Variants in DLG2 observed in about 807,000 individuals in gnomAD.
DLG2 encodes the protein disks large homolog 2.
In DLG2, 45 loss-of-function variants were observed where a neutral mutation model predicts 132.5. That is an observed-to-expected ratio of 0.34 (90% CI 0.27 to 0.44). The LOEUF (loss-of-function observed/expected upper bound fraction) is 0.44. Among genes scored for constraint, DLG2 ranks in the 20% least tolerant of loss-of-function variants. The probability of loss-of-function intolerance (pLI) is 1.00; values close to 1 mark genes in which losing one functional copy is unlikely to be tolerated. For missense variants in DLG2, 1,045 were observed against 1,196.9 expected (o/e 0.87, Z 1.87); for synonymous variants, 424 against 419.6 (o/e 1.01, Z -0.13).
At chr11:84,443,126 C>A (rs1405739665) in intron 7 of DLG2, among the ~76,000 whole-genome samples, 1 of 152,132 alleles carries the variant, frequency 6.6e-6, no homozygotes, top group Admixed American at 6.5e-5. Flanking sequence ...CTCTTAAAAT[C>A]ATCAAAACTC....
intron 6 of DLG2, among the ~76,000 whole-genome samples, chr11:84,924,638 A>G (rs1210711158): frequency 1.3e-5 from 2 of 152,156 alleles, no homozygotes; most frequent in African/African-American, 4.8e-5. Flanking sequence ...AGCATTCAGA[A>G]AGTGTCGTCA....
chr11:85,403,112 A>G (rs1399558816), intron 3 of DLG2, among the ~76,000 whole-genome samples: 1 of 152,200 alleles, frequency 6.6e-6, no homozygotes, highest in Non-Finnish European at 1.5e-5. Flanking sequence ...TCAACAATAG[A>G]CTGGATTAAG....
At chr11:83,606,473 A>ATGTT (rs771230092) in intron 19 of DLG2, among the ~76,000 whole-genome samples, 3 of 152,164 alleles carry the variant, frequency 2.0e-5, no homozygotes, top group Non-Finnish European at 2.9e-5. Context: ...AAAGCCTTTA[A>ATGTT]CATCTCCACT....
At chr11:84,987,155 C>A (rs138569610) in intron 6 of DLG2, among the ~76,000 whole-genome samples, 413 of 152,160 alleles carry the variant, frequency 2.7e-3, no homozygotes, top group African/African-American at 8.8e-3. Flanking sequence ...ACTCAACCCC[C>A]TTTACAATAG....
chr11:84,137,470 G>T (rs1201281445), intron 9 of DLG2, among the ~76,000 whole-genome samples: 1 of 152,030 alleles, frequency 6.6e-6, no homozygotes, highest in Non-Finnish European at 1.5e-5. Context: ...GTGCGTGCAT[G>T]TTTCAAATGC....
intron 9 of DLG2, among the ~76,000 whole-genome samples, chr11:84,131,683 CA>C (rs1467913763): frequency 1.3e-5 from 2 of 151,544 alleles, no homozygotes; most frequent in African/African-American, 4.8e-5. Flanking sequence ...GCCTTATATG[CA>C]AAGGTAGGGG....
At chr11:83,481,953 T>TATTA (rs1347870617) in intron 22 of DLG2, among the ~76,000 whole-genome samples, 1 of 152,130 alleles carries the variant, frequency 6.6e-6, no homozygotes, top group Non-Finnish European at 1.5e-5. Flanking sequence ...TGATATTTAT[T>TATTA]ATTAACAATA....
intron 7 of DLG2, among the ~76,000 whole-genome samples, chr11:84,298,041 T>C (rs969908004): frequency 6.6e-6 from 1 of 152,140 alleles, no homozygotes; most frequent in African/African-American, 2.4e-5. Flanking sequence ...CCATATCACA[T>C]TACCATAATT....
intron 8 of DLG2, among the ~76,000 whole-genome samples, chr11:84,220,758 G>A (rs1166204887): frequency 1.4e-5 from 2 of 145,330 alleles, no homozygotes; most frequent in Admixed American, 1.4e-4. Flanking sequence ...AGTGTCACGT[G>A]CTTTTTTTTT....
intron 6 of DLG2, among the ~76,000 whole-genome samples, chr11:84,847,942 C>T (rs1216736608): frequency 6.6e-6 from 1 of 151,818 alleles, no homozygotes; most frequent in Non-Finnish European, 1.5e-5. Context: ...CAGAGGCCAT[C>T]AAAGAAAAGG....
chr11:85,247,853 C>T (rs981962539), intron 4 of DLG2, among the ~76,000 whole-genome samples: 9 of 151,996 alleles, frequency 5.9e-5, no homozygotes, highest in African/African-American at 2.2e-4. Flanking sequence ...TCTGTTGATC[C>T]TTCTATTTCA....
chr11:85,271,314 A>C (rs1249109105), intron 4 of DLG2, among the ~76,000 whole-genome samples: 2 of 152,248 alleles, frequency 1.3e-5, no homozygotes, highest in Non-Finnish European at 2.9e-5. Flanking sequence ...CCTAGATTTC[A>C]AAGGATGTGT....
intron 6 of DLG2, among the ~76,000 whole-genome samples, chr11:84,629,285 G>A (rs1433558726): frequency 6.6e-6 from 1 of 152,178 alleles, no homozygotes; most frequent in Non-Finnish European, 1.5e-5. Flanking sequence ...AAAGTAAAGG[G>A]AAATATAAGA....
chr11:84,358,765 A>G (rs1385215962), intron 7 of DLG2, among the ~76,000 whole-genome samples: 1 of 151,962 alleles, frequency 6.6e-6, no homozygotes, highest in Non-Finnish European at 1.5e-5. Flanking sequence ...TTAGAACAAA[A>G]AGGTAATAAT....
chr11:83,743,798 T>C (rs562190161), intron 18 of DLG2, among the ~76,000 whole-genome samples: 6 of 152,124 alleles, frequency 3.9e-5, no homozygotes, highest in East Asian at 1.9e-4. Context: ...AGACAAAAAA[T>C]AGCATGCACC....
Position 84,042,744 on chromosome 11 carries a change from G to A in DLG2, c.919+16571C>T, listed in dbSNP as rs546253684. 1.6e-3 allele frequency among the ~76,000 whole-genome samples: 250 copies of A among 151,896 alleles called. 2 individuals are homozygous for A. The highest frequency in any genetic ancestry group is 5.7e-3 in the African/African-American group (235 of 41,468). On this transcript the variant is annotated intron_variant, in intron 11 of 27. Coordinates refer to ENST00000376104, the MANE Select transcript of DLG2 (RefSeq NM_001142699.3). ...TCATGTCCTTTAGAGGGGCATGGAT[G>A]GAATTGGAGCCATTATCCTCAGCAA...
intron 3 of DLG2, among the ~76,000 whole-genome samples, chr11:85,553,317 T>C (rs558116424): frequency 2.0e-5 from 3 of 151,806 alleles, no homozygotes; most frequent in South Asian, 2.1e-4. Flanking sequence ...TTTTAAGGTG[T>C]TGTGATGCAT....
intron 19 of DLG2, among the ~76,000 whole-genome samples, chr11:83,584,362 T>A (rs1197869662): frequency 2.6e-5 from 4 of 152,120 alleles, no homozygotes; most frequent in Non-Finnish European, 5.9e-5. Context: ...CAGTTCCATA[T>A]AACAATACGG....
intron 17 of DLG2, among the ~76,000 whole-genome samples, chr11:83,797,501 CT>C (rs111672101): frequency 0.048 from 6,966 of 145,050 alleles, 382 homozygotes; most frequent in African/African-American, 0.14. Context: ...TGTCTGCATT[CT>C]TTTTTTTTTT....
Sources: gnomAD v4.1 joint callset for allele counts (sites outside exome capture counted in the v4.1 genomes callset) on GRCh38, gnomAD v4.1.1 for gene constraint, MANE v1.5 for transcripts, NCBI Gene and HGNC (gene_info 2026-07-23, HGNC 2026-07-21) for gene names.